The following NKAIN4 variants were observed in gnomAD, a reference collection of about 807,000 sequenced individuals.
NKAIN4 encodes sodium/potassium transporting ATPase interacting 4.
NKAIN4 carries 28 observed loss-of-function variants against 28.8 expected under a neutral mutation model. The observed-to-expected ratio is 0.97, with a 90% CI of 0.72 to 1.33. The LOEUF (loss-of-function observed/expected upper bound fraction) is 1.33. NKAIN4 is among the 40% of genes most tolerant of loss of function. The pLI, the probability that NKAIN4 is intolerant of heterozygous loss-of-function variation, is 0.00. For missense variants in NKAIN4, 289 were observed against 277.2 expected, an observed-to-expected ratio of 1.04 and a Z score of -0.30; for synonymous variants, 122 against 115.6, an observed-to-expected ratio of 1.06 and a Z score of -0.36.
intron 6 of NKAIN4, 122 bp downstream of exon 6, chr20:63,242,417 A>G (rs2066771852): frequency 1.3e-6 from 1 of 746,222 alleles, no homozygotes; most frequent in Admixed American, 1.9e-5. Flanking sequence ...GGATGGATGG[A>G]CGGATGGATG....
At chr20:63,242,828 G>T (rs113931111) in intron 5 of NKAIN4, among the ~76,000 whole-genome samples, 6 of 150,130 alleles carry the variant, frequency 4.0e-5, no homozygotes, top group Middle Eastern at 3.4e-3. Flanking sequence ...GTGCGGGGAC[G>T]GCATCGGGGG....
In NKAIN4 at chr20:63,247,735, G is replaced by A; in HGVS notation, c.314C>T (p.Ser105Phe). ...GCCTGGCCAGCGCTCACGCCACCAG[G>A]AGCGATGCCGGGAGAGGCTGAAGGT... ...LLTFSLSRHR[S>F]WWRERWPGCL... is the part of the protein sequence containing the mutation. The change falls in exon 4 of 7, where the codon TCC (serine) becomes TTC (phenylalanine). Residue 105 changes from serine (S) to phenylalanine (F), a missense_variant. By Grantham distance (155) the Ser-to-Phe change is radical. Transcript: ENST00000370316. 2 of 1,489,978 alleles carry A rather than the reference G, an allele frequency of 1.3e-6. No individual in the cohort carries two copies. The highest frequency in any genetic ancestry group is 9.0e-7 in the Non-Finnish European group (1 of 1,115,972). The allele number at this position is 1,489,978 out of a possible 1,614,324, so 92.3% of individuals were successfully genotyped here.
At chr20:63,253,677 G>GC (rs1004253540) in intron 1 of NKAIN4, among the ~76,000 whole-genome samples, 2 of 152,160 alleles carry the variant, frequency 1.3e-5, no homozygotes, top group Middle Eastern at 3.2e-3. Flanking sequence ...GAAAGAATCC[G>GC]CCCCCCAGGC....
chr20:63,242,880 G>A (rs535183783), intron 5 of NKAIN4, among the ~76,000 whole-genome samples: 131 of 141,348 alleles, frequency 9.3e-4, no homozygotes, highest in Admixed American at 5.0e-3. Context: ...CCTGTGCGGG[G>A]ACATGGCCTG....
chr20:63,253,664 CG>C (rs1029759453), intron 1 of NKAIN4, among the ~76,000 whole-genome samples: 3 of 152,184 alleles, frequency 2.0e-5, no homozygotes, highest in Admixed American at 6.5e-5. Context: ...CACCGGGCTC[CG>C]GGAAAGAATC....
chr20:63,247,910 C>T (rs563145005), intron 3 of NKAIN4, 135 bp from the exon 4 acceptor site: 14 of 1,244,288 alleles, frequency 1.1e-5, no homozygotes, highest in African/African-American at 3.1e-5. Context: ...CCTCCCACTG[C>T]ACCCCGCCCC....
rs57295417 is a variant in NKAIN4 at position 63,250,107 on chromosome 20, C to T, written c.55-35G>A. 243 of 1,532,706 alleles carry T rather than the reference C, an allele frequency of 1.6e-4. No individual in the cohort carries two copies. In the African/African-American group the frequency reaches 2.3e-3, roughly 15 times the overall value. 94.9% of individuals were successfully genotyped at this position (1,532,706 alleles called of 1,614,324 possible). ...GGGCGGGCGCCATGAAGGGTGGACC[C>T]GAGGGAGGCCCCAGGCCCGCCAGCC... On this transcript the variant is annotated intron_variant, in intron 1 of 6. Transcript: ENST00000370316.
intron 5 of NKAIN4, among the ~76,000 whole-genome samples, chr20:63,242,867 C>A (rs1453051223): frequency 3.5e-5 from 5 of 143,180 alleles, no homozygotes; most frequent in African/African-American, 1.3e-4. Context: ...CCCGGATCTT[C>A]AGCCTGTGCG....
In NKAIN4 at chr20:63,249,988, C is replaced by T. The variant is rs755318428; in HGVS notation, c.139G>A (p.Val47Ile). ...ILANFVHIII[V>I]ILGLFGTIQY... The stretch of plus-strand genomic sequence containing the variant: ...ATGGTGCCGAAGAGTCCCAGGATGA[C>T]GATGATGATGTGGACAAAGTTGGCC... Residue 47 changes from valine to isoleucine, a missense_variant, in exon 2 of 7, where the codon GTC (valine) becomes ATC (isoleucine). Physicochemically the swap from Val to Ile is conservative, Grantham distance 29. Coordinates refer to ENST00000370316, the MANE Select transcript of NKAIN4 (RefSeq NM_152864.4). 11 of 1,613,090 alleles carry T rather than the reference C, an allele frequency of 6.8e-6. No homozygotes were observed. Among genetic ancestry groups the T allele is most frequent in the Admixed American group, 6.7e-5 (4 of 59,970 alleles).
intron 4 of NKAIN4, chr20:63,246,894 A>G (rs1026611258): frequency 8.1e-6 from 8 of 985,324 alleles, no homozygotes; most frequent in Non-Finnish European, 8.4e-6. Flanking sequence ...TTAGGCTCAC[A>G]GAGGCGGCAC....
chr20:63,246,122 G>T (rs1261587067), intron 4 of NKAIN4, among the ~76,000 whole-genome samples: 1 of 152,236 alleles, frequency 6.6e-6, no homozygotes, highest in East Asian at 1.9e-4. Flanking sequence ...TAGAGACAGG[G>T]TTTCACCGTG....
Position 63,249,989 on chromosome 20 carries a change from G to C in NKAIN4, c.138C>G (p.Ile46Met). 2 of 1,613,222 alleles carry C rather than the reference G, an allele frequency of 1.2e-6. No homozygotes were observed. Residue 46 changes from isoleucine (I) to methionine (M), a missense_variant, in exon 2 of 7, where the codon ATC becomes ATG. Physicochemically the swap from Ile to Met is conservative, Grantham distance 10 (BLOSUM62 1). Coordinates refer to ENST00000370316, the MANE Select transcript of NKAIN4 (RefSeq NM_152864.4). The part of the protein sequence containing the change: ...PILANFVHII[I>M]VILGLFGTIQ... ...TGGTGCCGAAGAGTCCCAGGATGAC[G>C]ATGATGATGTGGACAAAGTTGGCCA...
intron 5 of NKAIN4, chr20:63,243,820 C>T (rs1185980861): frequency 5.9e-6 from 3 of 510,052 alleles, no homozygotes; most frequent in Non-Finnish European, 1.1e-5. Flanking sequence ...ACCCCTGGAG[C>T]CCCCAGGCTA....
rs1245689816 is a variant in NKAIN4, at chr20:63,252,682, C to G, written c.54+1715G>C. ...CTGGCCCTGAGAGGACACGGCTCTG[C>G]CCAGTCCCTGGAGAGTCCCCAGGTC... On this transcript the variant is annotated intron_variant, in intron 1 of 6. Coordinates refer to ENST00000370316, the MANE Select transcript of NKAIN4 (RefSeq NM_152864.4). The surrounding 1 kb of genome is among the most constrained non-coding windows in gnomAD (Gnocchi z 4.6). Among the ~76,000 whole-genome samples, 1 of 152,198 alleles carries G rather than the reference C, an allele frequency of 6.6e-6. No individual in the cohort carries two copies. Among genetic ancestry groups the G allele is most frequent in the Non-Finnish European group, 1.5e-5 (1 of 68,038 alleles).
intron 2 of NKAIN4, 118 bp downstream of exon 2, chr20:63,249,817 G>T: frequency 1.9e-6 from 2 of 1,072,814 alleles, no homozygotes; most frequent in South Asian, 1.6e-5. Flanking sequence ...GGTCTGGGTT[G>T]GCATTTGTGG....
Position 63,244,430 on chromosome 20 carries a change from C to A in NKAIN4, c.472-346G>T, listed in dbSNP as rs1229586321. ...AAGCCCAGGCTGGATGAACCCCAGG[C>A]CAGCACAGTCCCAGCCCTGCGTCCC... is the stretch of plus-strand genomic sequence containing the variant. On this transcript the variant is annotated intron_variant, in intron 4 of 6. Coordinates refer to ENST00000370316, the MANE Select transcript of NKAIN4 (RefSeq NM_152864.4). The A allele has an allele frequency of 6.0e-6, 3 of 498,182 alleles. No homozygotes were observed. In the East Asian group the frequency reaches 1.7e-4, roughly 28 times the overall value. The allele number at this position is 498,182 out of a possible 1,614,324, so 30.9% of individuals were successfully genotyped here. A position where few individuals can be genotyped will look rare whatever the true frequency, so the allele number is the denominator to read the frequency against.
intron 4 of NKAIN4, chr20:63,246,708 C>T (rs1453256436): frequency 1.8e-5 from 17 of 969,920 alleles, no homozygotes; most frequent in East Asian, 1.1e-4. Context: ...CCTCCAGCGA[C>T]GGCACCAGCC....
At chr20:63,244,176 C>A in intron 4 of NKAIN4, 92 bp from the exon 5 acceptor site, 1 of 1,146,432 alleles carries the variant, frequency 8.7e-7, no homozygotes, top group Non-Finnish European at 1.3e-6. Context: ...TGGAGCGCCC[C>A]TGACCACCAA....
In NKAIN4 at chr20:63,248,810, C is replaced by G. The variant is rs556233671; in HGVS notation, c.273+5G>C. 1 of 1,606,542 alleles carries G rather than the reference C, an allele frequency of 6.2e-7. No homozygotes were observed. The highest frequency in any genetic ancestry group is 1.3e-5 in the African/African-American group (1 of 74,828). On this transcript the variant is annotated splice_donor_5th_base_variant and intron_variant, in intron 3 of 6. Coordinates refer to ENST00000370316, the MANE Select transcript of NKAIN4 (RefSeq NM_152864.4). The stretch of plus-strand genomic sequence containing the variant: ...ACCTCGCGCTGCCTCCCAGTCTGCA[C>G]TCACCTTTAAGAGGCCACCGACTTC...
Sources: gnomAD v4.1 joint callset for allele counts (sites outside exome capture counted in the v4.1 genomes callset) on GRCh38, gnomAD v4.1.1 for gene constraint, Gnocchi (gnomAD v3.1) non-coding constraint, MANE v1.5 for transcripts, NCBI Gene and HGNC (gene_info 2026-07-23, HGNC 2026-07-21) for gene names.